CAST: variants seen among roughly 807,000 people sequenced by gnomAD.
CAST encodes MIR583 host.
In CAST, 76 loss-of-function variants were observed where a neutral mutation model predicts 119.6. The ratio of observed to expected loss-of-function variants is 0.64; its 90% CI spans 0.53 to 0.77. The LOEUF is 0.77. Ranked by LOEUF, CAST falls within the 30% of genes least tolerant of loss-of-function variation. The pLI is 0.00. For synonymous variants in CAST, 319 were observed against 331.6 expected (o/e 0.96, Z 0.41); for missense variants, 953 against 946.5 (o/e 1.01, Z -0.09).
chr5:96,593,285 C>T (rs975105742), intron 1 of CAST, among the ~76,000 whole-genome samples: 22 of 152,214 alleles, frequency 1.4e-4, no homozygotes, highest in African/African-American at 5.3e-4. Context: ...AGCGTCACCT[C>T]CTGTAGAAAG....
chr5:96,468,983 C>T, the CAST span, among the ~76,000 whole-genome samples: 4 of 151,988 alleles, frequency 2.6e-5, no homozygotes, highest in Non-Finnish European at 4.4e-5. Flanking sequence ...TAAATTTTGT[C>T]CTGGCCCAGT....
chr5:96,729,851 G>A, intron 8 of CAST, 126 bp downstream of exon 8: 1 of 608,866 alleles, frequency 1.6e-6, no homozygotes, highest in Non-Finnish European at 3.0e-6. Flanking sequence ...GTATTATAGT[G>A]ATTTGGTATT....
chr5:96,762,813 T>C (rs1385768763), intron 25 of CAST: 2 of 260,052 alleles, frequency 7.7e-6, no homozygotes, highest in East Asian at 8.3e-5. Context: ...ACAAACATTT[T>C]ACAAACGTCA....
the CAST span, among the ~76,000 whole-genome samples, chr5:96,168,278 C>A: frequency 1.3e-5 from 2 of 152,260 alleles, no homozygotes; most frequent in South Asian, 4.1e-4. Context: ...GGATCTGATG[C>A]CTTTTGATGG....
At chr5:96,274,186 C>A in the CAST span, among the ~76,000 whole-genome samples, 1 of 151,646 alleles carries the variant, frequency 6.6e-6, no homozygotes, top group Non-Finnish European at 1.5e-5. Flanking sequence ...ATTGCAAGCT[C>A]CGCCTCCCGG....
chr5:96,127,544 C>T, the CAST span, among the ~76,000 whole-genome samples: 1 of 152,088 alleles, frequency 6.6e-6, no homozygotes, highest in African/African-American at 2.4e-5. Flanking sequence ...TTGTTTTCAT[C>T]TGTCCTTGAT....
the CAST span, among the ~76,000 whole-genome samples, chr5:96,317,327 A>G: frequency 6.7e-6 from 1 of 150,194 alleles, no homozygotes; most frequent in South Asian, 2.1e-4. Flanking sequence ...AAAAAAAAAA[A>G]TTAGCTGGGC....
the CAST span, among the ~76,000 whole-genome samples, chr5:96,146,811 C>T: frequency 6.6e-6 from 1 of 152,200 alleles, no homozygotes; most frequent in East Asian, 1.9e-4. Context: ...GCTTCCCTGT[C>T]TGTGTCAGTA....
intron 2 of CAST, among the ~76,000 whole-genome samples, chr5:96,678,390 C>T (rs1750947795): frequency 6.6e-6 from 1 of 152,162 alleles, no homozygotes; most frequent in Non-Finnish European, 1.5e-5. Flanking sequence ...TGAAAATTTG[C>T]TTTCTATCTT....
chr5:96,475,851 CT>C, the CAST span, among the ~76,000 whole-genome samples: 1 of 152,176 alleles, frequency 6.6e-6, no homozygotes, highest in African/African-American at 2.4e-5. Flanking sequence ...GCAATAATGA[CT>C]TGTTGCAGGT....
At chr5:96,520,293 A>G (rs908637825), upstream of CAST, among the ~76,000 whole-genome samples, 1 of 152,218 alleles carries the variant, frequency 6.6e-6, no homozygotes, top group Non-Finnish European at 1.5e-5. Context: ...TGCTTCTGCT[A>G]TGTCCGAGGG....
chr5:96,264,462 G>A, the CAST span, among the ~76,000 whole-genome samples: 367 of 150,590 alleles, frequency 2.4e-3, 1 homozygote, highest in Non-Finnish European at 3.9e-3. Context: ...AAAAATGAAA[G>A]AAAAACCTCT....
chr5:96,356,853 G>A, the CAST span, among the ~76,000 whole-genome samples: 2 of 151,990 alleles, frequency 1.3e-5, no homozygotes, highest in Non-Finnish European at 2.9e-5. Flanking sequence ...AAGTAATTTG[G>A]TCTAATTCTG....
the CAST span, among the ~76,000 whole-genome samples, chr5:96,074,413 C>A: frequency 1.3e-5 from 2 of 152,124 alleles, no homozygotes; most frequent in Non-Finnish European, 2.9e-5. Context: ...AGAAGAGACA[C>A]CTGAGAACTT....
chr5:96,475,156 G>A, the CAST span, among the ~76,000 whole-genome samples: 1 of 152,146 alleles, frequency 6.6e-6, no homozygotes, highest in African/African-American at 2.4e-5. Flanking sequence ...CATGAGTGCA[G>A]CTGGCCAGTG....
the CAST span, among the ~76,000 whole-genome samples, chr5:96,478,769 A>G: frequency 6.6e-6 from 1 of 152,244 alleles, no homozygotes. Flanking sequence ...TGACAATGAT[A>G]TGTAGGAAGG....
chr5:96,765,152 TC>T (rs1769401847), intron 25 of CAST, 68 bp from the exon 26 acceptor site: 1 of 876,278 alleles, frequency 1.1e-6, no homozygotes, highest in Admixed American at 2.0e-5. Context: ...AAGATGGAGT[TC>T]CTGGGCTAAT....
chr5:96,059,004 T>G, the CAST span, among the ~76,000 whole-genome samples: 1 of 152,030 alleles, frequency 6.6e-6, no homozygotes, highest in Admixed American at 6.6e-5. Context: ...TGACGAAAAC[T>G]TTAGCTGGAA....
chr5:96,270,506 C>T, the CAST span, among the ~76,000 whole-genome samples: 4 of 152,140 alleles, frequency 2.6e-5, no homozygotes, highest in Non-Finnish European at 5.9e-5. Context: ...AAGACTTCAC[C>T]TATGGAATAC....
Sources: allele counts gnomAD v4.1 joint callset (sites outside exome capture counted in the v4.1 genomes callset), GRCh38; gene constraint gnomAD v4.1.1; transcripts MANE v1.5; gene names NCBI Gene and HGNC (gene_info 2026-07-23, HGNC 2026-07-21).